The following CPB2 variants were observed in gnomAD, a reference collection of about 807,000 sequenced individuals.
CPB2 encodes carboxypeptidase B-like protein.
A neutral mutation model predicts 57.0 loss-of-function variants in CPB2; 54 were observed. That is an observed-to-expected ratio of 0.95 (90% confidence interval 0.76 to 1.19). The LOEUF is 1.19. Among genes scored for constraint, CPB2 ranks in the 50% most tolerant of loss-of-function variants. CPB2 has a pLI of 0.00. For missense variants in CPB2, 426 were observed against 512.0 expected (o/e 0.83, Z 1.62); for synonymous variants, 189 against 178.1 (o/e 1.06, Z -0.49).
chr13:46,080,734 G>A (rs2139389280), intron 4 of CPB2, among the ~76,000 whole-genome samples: 1 of 152,230 alleles, frequency 6.6e-6, no homozygotes, highest in Admixed American at 6.5e-5. Context: ...ATTTTGGGAG[G>A]CCAAGGCGAG....
rs1249085438 is a variant in CPB2, at chr13:46,053,490, C to T, written c.*124G>A. On this transcript the variant is annotated 3_prime_UTR_variant, in exon 11 of 11. Transcript: ENST00000181383. ...CACTTATTAGGTTCTCTGACAGAAC[C>T]AAGGAATAGGAAAATCTTTTATCAA... The T allele has an allele frequency of 3.5e-6, 5 of 1,441,124 alleles. No individual in the cohort carries two copies. Among genetic ancestry groups the T allele is most frequent in the Non-Finnish European group, 4.6e-6 (5 of 1,080,032 alleles). 89.3% of individuals were successfully genotyped at this position (1,441,124 alleles called of 1,614,324 possible). A position where few individuals can be genotyped will look rare whatever the true frequency, so the allele number is the denominator to read the frequency against.
intron 1 of CPB2, among the ~76,000 whole-genome samples, chr13:46,088,395 T>A (rs967385342): frequency 6.6e-6 from 1 of 152,258 alleles, no homozygotes; most frequent in Non-Finnish European, 1.5e-5. Context: ...TGATTCAACT[T>A]TATAAAAATG....
At position 46,084,421 on chromosome 13, in the gene CPB2, C is replaced by G. The variant is rs557139941; in HGVS notation, c.151-78G>C. ...TTCTCATCTGTAGCTAGAGCCATGACAGTTTTATCTATAAGGAGTATGAAA... is the reference window on the plus strand; with the variant it reads ...TTCTCATCTGTAGCTAGAGCCATGAGAGTTTTATCTATAAGGAGTATGAAA... On this transcript the variant is annotated intron_variant, in intron 2 of 10. Transcript: ENST00000181383. 3 of 1,515,302 alleles carry G rather than the reference C, an allele frequency of 2.0e-6. No homozygotes were observed. In the African/African-American group the frequency reaches 4.1e-5, roughly 21 times the overall value. The allele number at this position is 1,515,302 out of a possible 1,614,324, so 93.9% of individuals were successfully genotyped here. A position where few individuals can be genotyped will look rare whatever the true frequency, so the allele number is the denominator to read the frequency against.
intron 3 of CPB2, 71 bp from the exon 4 acceptor site, chr13:46,082,620 G>T: frequency 3.3e-6 from 3 of 905,652 alleles, no homozygotes; most frequent in Non-Finnish European, 5.4e-6. Flanking sequence ...CCCATTGCAG[G>T]CACAGCAGGT....
At chr13:46,079,901 CT>C (rs2045085791) in intron 4 of CPB2, among the ~76,000 whole-genome samples, 1 of 152,236 alleles carries the variant, frequency 6.6e-6, no homozygotes, top group Non-Finnish European at 1.5e-5. Flanking sequence ...TCCTGCCCAC[CT>C]GCCACCAAGT....
chr13:46,070,693 C>T (rs936684368), intron 6 of CPB2, among the ~76,000 whole-genome samples: 24 of 152,128 alleles, frequency 1.6e-4, no homozygotes, highest in African/African-American at 5.1e-4. Context: ...AATTTTAAAA[C>T]AAAATGTCAT....
At chr13:46,100,903 A>G (rs2045426715) in intron 1 of CPB2, 1 of 152,216 alleles carries the variant, frequency 6.6e-6, no homozygotes, top group Non-Finnish European at 1.5e-5. Context: ...GATGTCTCAC[A>G]CAACTCTAAG....
At chr13:46,070,310 A>G (rs551208883) in intron 6 of CPB2, among the ~76,000 whole-genome samples, 1 of 152,218 alleles carries the variant, frequency 6.6e-6, no homozygotes, top group African/African-American at 2.4e-5. Flanking sequence ...TTTACTTAGA[A>G]TATTTTCAGT....
intron 5 of CPB2, among the ~76,000 whole-genome samples, chr13:46,078,541 A>C (rs1000017871): frequency 6.6e-6 from 1 of 152,154 alleles, no homozygotes; most frequent in Non-Finnish European, 1.5e-5. Context: ...AGTTAACATG[A>C]GGCCCTTAGG....
chr13:46,090,400 T>C (rs2045274651), intron 1 of CPB2, among the ~76,000 whole-genome samples: 1 of 150,010 alleles, frequency 6.7e-6, no homozygotes. Flanking sequence ...TCTCACTCTG[T>C]CACCCAGGCA....
At chr13:46,086,604 G>GA (rs2045209560) in intron 2 of CPB2, among the ~76,000 whole-genome samples, 1 of 152,238 alleles carries the variant, frequency 6.6e-6, no homozygotes, top group Non-Finnish European at 1.5e-5. Context: ...GGCGGGTGCG[G>GA]AAAAATCACC....
At chr13:46,098,566 C>G (rs1178763789) in intron 1 of CPB2, 1 of 152,344 alleles carries the variant, frequency 6.6e-6, no homozygotes, top group African/African-American at 2.4e-5. Flanking sequence ...GTCTCCTCAG[C>G]TTCTGGGAGG....
intron 10 of CPB2, among the ~76,000 whole-genome samples, chr13:46,054,556 T>A (rs2044663983): frequency 6.6e-6 from 1 of 152,152 alleles, no homozygotes; most frequent in Non-Finnish European, 1.5e-5. Flanking sequence ...TTGAATAATC[T>A]GACTTTTTTT....
intron 1 of CPB2, chr13:46,099,893 C>G (rs1318032167): frequency 2.0e-5 from 3 of 152,074 alleles, no homozygotes; most frequent in Admixed American, 6.6e-5. Context: ...GGCATAGTAG[C>G]TCACACCTGT....
chr13:46,063,518 G>C (rs1051960991), intron 8 of CPB2, among the ~76,000 whole-genome samples: 1 of 152,148 alleles, frequency 6.6e-6, no homozygotes, highest in African/African-American at 2.4e-5. Flanking sequence ...TTTTATGGCT[G>C]TGTAGTATTC....
intron 8 of CPB2, among the ~76,000 whole-genome samples, chr13:46,061,604 A>G (rs1018026123): frequency 6.6e-6 from 1 of 152,210 alleles, no homozygotes; most frequent in African/African-American, 2.4e-5. Flanking sequence ...CTACAAGCCA[A>G]TGAGAGAATC....
Position 46,073,912 on chromosome 13 carries a change from T to C in CPB2, c.552A>G (p.Glu184=), listed in dbSNP as rs200231942. The part of the protein sequence containing the change: ...IWIDCGIHAR[E]WISPAFCLWF... ...ACAAGCAGAAAGCAGGAGAGATCCATTCTCTGGCATGGATTCCACAGTCAA... is the reference window on the plus strand; with the variant it reads ...ACAAGCAGAAAGCAGGAGAGATCCACTCTCTGGCATGGATTCCACAGTCAA... The change falls in exon 6 of 11, where the codon GAA becomes GAG. Residue 184 remains glutamate, a synonymous_variant. Transcript: ENST00000181383. 672 of 1,590,332 alleles carry C rather than the reference T, an allele frequency of 4.2e-4. 3 individuals are homozygous for C. The Middle Eastern group carries it at 0.013, about 30-fold the overall frequency.
At chr13:46,101,238 A>G (rs1169799161) in intron 1 of CPB2, 1 of 152,234 alleles carries the variant, frequency 6.6e-6, no homozygotes, top group Non-Finnish European at 1.5e-5. Flanking sequence ...TTTGCTGTTT[A>G]TAAGTGCTGC....
intron 10 of CPB2, among the ~76,000 whole-genome samples, chr13:46,054,869 G>A (rs1015981506): frequency 2.4e-5 from 3 of 127,116 alleles, no homozygotes; most frequent in Non-Finnish European, 4.8e-5. Flanking sequence ...TTATGCATTA[G>A]CCAACCAAGT....
Sources: allele counts gnomAD v4.1 joint callset (sites outside exome capture counted in the v4.1 genomes callset), GRCh38; gene constraint gnomAD v4.1.1; transcripts MANE v1.5; gene names NCBI Gene and HGNC (gene_info 2026-07-23, HGNC 2026-07-21).